TSC22D2: variants seen among roughly 807,000 people sequenced by gnomAD.
The protein encoded by TSC22D2 is TSC22 domain family protein 2.
In TSC22D2, 5 loss-of-function variants were observed where a neutral mutation model predicts 50.1. The observed-to-expected ratio is 0.10, with a 90% CI of 0.05 to 0.21. The LOEUF is 0.21. Among genes scored for constraint, TSC22D2 ranks in the 10% least tolerant of loss-of-function variants. The pLI is 1.00. For synonymous variants in TSC22D2, 501 were observed against 450.1 expected (o/e 1.11, Z -1.43); for missense variants, 1,003 against 1,015.5 (o/e 0.99, Z 0.17).
chr3:150,434,117 A>G (rs1357597442), intron 1 of TSC22D2, among the ~76,000 whole-genome samples: 3 of 151,584 alleles, frequency 2.0e-5, no homozygotes, highest in African/African-American at 7.3e-5. Flanking sequence ...GTTAGCTATT[A>G]TTAAGCTCAG....
chr3:150,416,069 G>A (rs901980372), intron 1 of TSC22D2, among the ~76,000 whole-genome samples: 2 of 152,176 alleles, frequency 1.3e-5, no homozygotes, highest in African/African-American at 4.8e-5. Flanking sequence ...TCCTAAAATG[G>A]CAGGAGTTGG....
At chr3:150,435,556 A>C (rs774539096) in intron 1 of TSC22D2, among the ~76,000 whole-genome samples, 3 of 152,130 alleles carry the variant, frequency 2.0e-5, no homozygotes, top group Non-Finnish European at 4.4e-5. Context: ...AACTTTTTTG[A>C]ACAGCAGGTT....
At chr3:150,455,315 TATAGTC>T (rs765253015) in intron 1 of TSC22D2, among the ~76,000 whole-genome samples, 3 of 152,208 alleles carry the variant, frequency 2.0e-5, no homozygotes, top group Admixed American at 1.3e-4. Context: ...TATAGTTACA[TATAGTC>T]ATACTTTGCA....
At chr3:150,433,952 G>C (rs867044639) in intron 1 of TSC22D2, among the ~76,000 whole-genome samples, 13 of 152,246 alleles carry the variant, frequency 8.5e-5, no homozygotes, top group African/African-American at 3.1e-4. Flanking sequence ...GTGCATGCCT[G>C]TAATCCCAGC....
Position 150,409,307 on chromosome 3 carries a change from C to G in TSC22D2, c.-44C>G, listed in dbSNP as rs771571370. ...TGCCCTCCCCGGTTTCCGACAGGAC[C>G]CAGAGGAGCCGGCGTGCCTCTCTGC... On this transcript the variant is annotated 5_prime_UTR_variant, in exon 1 of 3. Coordinates refer to ENST00000688009, the MANE Select transcript of TSC22D2 (RefSeq NM_001303264.2). The surrounding 1 kb of genome is among the most constrained non-coding windows in gnomAD (Gnocchi z 7.4). 1 of 1,546,914 alleles carries G rather than the reference C, an allele frequency of 6.5e-7. No individual in the cohort carries two copies. The highest frequency in any genetic ancestry group is 8.7e-7 in the Non-Finnish European group (1 of 1,142,860).
chr3:150,453,086 A>C (rs1300271953), intron 1 of TSC22D2, among the ~76,000 whole-genome samples: 1 of 152,216 alleles, frequency 6.6e-6, no homozygotes, highest in Non-Finnish European at 1.5e-5. Context: ...CTATACATAC[A>C]CACTAATCTG....
At chr3:150,412,183 T>G (rs1457236617) in intron 1 of TSC22D2, among the ~76,000 whole-genome samples, 1 of 152,126 alleles carries the variant, frequency 6.6e-6, no homozygotes, top group East Asian at 1.9e-4. Flanking sequence ...TTAGTGAGGA[T>G]TTTTGTGGTT....
rs755144996 is a variant in TSC22D2, at chr3:150,411,073, T to C, written c.1723T>C (p.Ser575Pro). The change falls in exon 1 of 3, where the codon TCT (serine) becomes CCT (proline). Residue 575 changes from serine (S) to proline (P), a missense_variant. Transcript: ENST00000688009. ...THSAPTSLPQ[S>P]DLSQFQTQTQ... ...CAGCGCACCAACAAGTCTACCACAG[T>C]CTGACCTAAGCCAGTTTCAAACTCA... is the stretch of plus-strand genomic sequence containing the variant. The C allele has an allele frequency of 8.1e-6, 13 of 1,614,078 alleles. No individual in the cohort carries two copies. In the Admixed American group the frequency reaches 1.8e-4, roughly 23 times the overall value.
intron 1 of TSC22D2, among the ~76,000 whole-genome samples, chr3:150,416,936 G>T (rs1264464329): frequency 6.6e-6 from 1 of 151,966 alleles, no homozygotes; most frequent in Non-Finnish European, 1.5e-5. Flanking sequence ...TGATTCCTTT[G>T]TACCCAAGCT....
At chr3:150,436,952 G>T (rs1358807967) in intron 1 of TSC22D2, among the ~76,000 whole-genome samples, 1 of 152,056 alleles carries the variant, frequency 6.6e-6, no homozygotes, top group African/African-American at 2.4e-5. Flanking sequence ...CTGTCTTTCA[G>T]TTTTCTATAG....
chr3:150,433,358 T>G (rs1055479609), intron 1 of TSC22D2, among the ~76,000 whole-genome samples: 9 of 152,222 alleles, frequency 5.9e-5, no homozygotes, highest in African/African-American at 1.7e-4. Flanking sequence ...TATTGAGAAT[T>G]TTATTTGTAA....
intron 1 of TSC22D2, among the ~76,000 whole-genome samples, chr3:150,420,219 T>C (rs978152116): frequency 6.6e-6 from 1 of 152,218 alleles, no homozygotes; most frequent in Non-Finnish European, 1.5e-5. Context: ...TCTACTTCCT[T>C]GATCAGTGAT....
intron 1 of TSC22D2, among the ~76,000 whole-genome samples, chr3:150,423,725 C>A (rs1195542600): frequency 6.6e-6 from 1 of 152,074 alleles, no homozygotes; most frequent in African/African-American, 2.4e-5. Flanking sequence ...TCTTGGAGTT[C>A]TTTTATGGCA....
chr3:150,459,166 A>C lies in TSC22D2; in HGVS notation c.*530A>C, dbSNP rs548293341. 1 of 152,820 alleles carries C rather than the reference A, an allele frequency of 6.5e-6. No homozygotes were observed. The highest frequency in any genetic ancestry group is 2.4e-5 in the African/African-American group (1 of 41,580). The allele number at this position is 152,820 out of a possible 1,614,324, so 9.5% of individuals were successfully genotyped here. A position where few individuals can be genotyped will look rare whatever the true frequency, so the allele number is the denominator to read the frequency against. On this transcript the variant is annotated 3_prime_UTR_variant, in exon 3 of 3. Transcript: ENST00000688009. ...GAATAATTATAAGTATCAGTAAAGG[A>C]AGTGAAAGACAGGATTGCATTTAAT...
At chr3:150,436,721 A>G (rs1052606376) in intron 1 of TSC22D2, among the ~76,000 whole-genome samples, 1 of 152,228 alleles carries the variant, frequency 6.6e-6, no homozygotes, top group African/African-American at 2.4e-5. Flanking sequence ...AAGACAAAAT[A>G]AAGTTGTATG....
chr3:150,437,571 G>A (rs1225976719), intron 1 of TSC22D2, among the ~76,000 whole-genome samples: 1 of 151,850 alleles, frequency 6.6e-6, no homozygotes, highest in Non-Finnish European at 1.5e-5. Flanking sequence ...GGGAGGCCGA[G>A]GTAGGCAGAT....
chr3:150,439,691 T>C lies in TSC22D2; in HGVS notation c.1959-17385T>C, dbSNP rs559445892. ...TTGTCAGATTTTTTTTTCAGAGCAT[T>C]TGTCAGATTTTCATCTGTCAAAAAC... On this transcript the variant is annotated intron_variant, in intron 1 of 2. Transcript: ENST00000688009. 5.3e-5 allele frequency among the ~76,000 whole-genome samples: 8 copies of C among 152,260 alleles called. No homozygotes were observed. The South Asian group carries it at 1.7e-3, about 32-fold the overall frequency.
At position 150,410,104 on chromosome 3, in the gene TSC22D2, C is replaced by G. The variant is rs747175530; in HGVS notation, c.754C>G (p.Leu252Val). 3.7e-6 allele frequency: 6 copies of G among 1,612,638 alleles called. No individual in the cohort carries two copies. In the Admixed American group the frequency reaches 6.7e-5, roughly 18 times the overall value. The change falls in exon 1 of 3, where the codon CTA (leucine) becomes GTA (valine). Residue 252 changes from leucine to valine, a missense_variant. Leu to Val is a conservative substitution (Grantham distance 32). Transcript: ENST00000688009. ...CAGCTCCTTGACTGCTGTGTCACAG[C>G]TACCCCCGTCGGAGAAAATGAGCCA... ...TDSSLTAVSQ[L>V]PPSEKMSQPT...
intron 1 of TSC22D2, among the ~76,000 whole-genome samples, chr3:150,431,968 C>T (rs1327609265): frequency 6.6e-6 from 1 of 152,104 alleles, no homozygotes; most frequent in Non-Finnish European, 1.5e-5. Context: ...GTATTGCTAT[C>T]CTGTATATAC....
Sources: allele counts gnomAD v4.1 joint callset (sites outside exome capture counted in the v4.1 genomes callset), GRCh38; gene constraint gnomAD v4.1.1; non-coding constraint Gnocchi (gnomAD v3.1); transcripts MANE v1.5; gene names NCBI Gene and HGNC (gene_info 2026-07-23, HGNC 2026-07-21).